RPA1: variants seen among roughly 807,000 people sequenced by gnomAD.
RPA1 encodes replication protein A1, also known as replication protein A 70 kDa DNA-binding subunit.
In RPA1, 49 loss-of-function variants were observed where a neutral mutation model predicts 83.0. The observed-to-expected ratio is 0.59, with a 90% CI of 0.47 to 0.75. The LOEUF is 0.75. RPA1 is among the 30% of genes least tolerant of loss of function. The pLI, the probability that RPA1 is intolerant of heterozygous loss-of-function variation, is 0.00. For missense variants in RPA1, 693 were observed against 776.1 expected, an observed-to-expected ratio of 0.89 and a Z score of 1.27; for synonymous variants, 279 against 281.8, an observed-to-expected ratio of 0.99 and a Z score of 0.10.
At chr17:1,882,782 TCAC>T (rs757545260) in intron 12 of RPA1, among the ~76,000 whole-genome samples, 5 of 152,182 alleles carry the variant, frequency 3.3e-5, no homozygotes, top group Non-Finnish European at 7.4e-5. Flanking sequence ...TCGGTGATGA[TCAC>T]CACGCAGCTG....
chr17:1,839,514 C>T (rs924740198), intron 1 of RPA1, among the ~76,000 whole-genome samples: 16 of 151,552 alleles, frequency 1.1e-4, no homozygotes, highest in African/African-American at 3.4e-4. Context: ...TTAGTAGAGA[C>T]GGGGTTTCAC....
chr17:1,840,462 A>G (rs1017545797), intron 1 of RPA1, among the ~76,000 whole-genome samples: 3 of 151,966 alleles, frequency 2.0e-5, no homozygotes, highest in Non-Finnish European at 2.9e-5. Context: ...AATTTTTTAT[A>G]TTTTTAGCAG....
intron 7 of RPA1, among the ~76,000 whole-genome samples, chr17:1,876,279 G>A (rs1043409275): frequency 6.6e-6 from 1 of 152,186 alleles, no homozygotes; most frequent in Non-Finnish European, 1.5e-5. Context: ...TTGAAGCCGG[G>A]CGCGGTGGCT....
At chr17:1,830,369 G>T (rs137953730) in intron 1 of RPA1, among the ~76,000 whole-genome samples, 1 of 152,278 alleles carries the variant, frequency 6.6e-6, no homozygotes, top group East Asian at 1.9e-4. Context: ...CTAAATAAAC[G>T]CTTGCCTTTC....
chr17:1,895,135 G>A lies in RPA1; in HGVS notation c.1746+40G>A, dbSNP rs532918532. 4 of 1,530,394 alleles carry A rather than the reference G, an allele frequency of 2.6e-6. No individual in the cohort carries two copies. The South Asian group carries it at 4.5e-5, about 17-fold the overall frequency. 94.8% of individuals were successfully genotyped at this position (1,530,394 alleles called of 1,614,324 possible). A position where few individuals can be genotyped will look rare whatever the true frequency, so the allele number is the denominator to read the frequency against. On this transcript the variant is annotated intron_variant, in intron 16 of 16. Coordinates refer to ENST00000254719, the MANE Select transcript of RPA1 (RefSeq NM_002945.5). ...GGGCAGCAGGGTTGGTGGTGGGGAG[G>A]TGCTGTTTGTCACCTACGGCAGTGT...
chr17:1,831,256 C>T (rs1044262846), intron 1 of RPA1, among the ~76,000 whole-genome samples: 4 of 152,156 alleles, frequency 2.6e-5, no homozygotes, highest in African/African-American at 9.7e-5. Context: ...CCTCTTGATC[C>T]CTATCTCCAC....
chr17:1,830,355 C>G (rs1056098065), intron 1 of RPA1, among the ~76,000 whole-genome samples: 1 of 152,212 alleles, frequency 6.6e-6, no homozygotes, highest in African/African-American at 2.4e-5. Flanking sequence ...TACGTAAGAA[C>G]AAACTAAATA....
chr17:1,835,238 T>G (rs774418994), intron 1 of RPA1, among the ~76,000 whole-genome samples: 1 of 152,032 alleles, frequency 6.6e-6, no homozygotes, highest in African/African-American at 2.4e-5. Context: ...AACCTCCAAC[T>G]CCTGGGCTCA....
chr17:1,869,878 G>A (rs909687310), intron 5 of RPA1, among the ~76,000 whole-genome samples: 2 of 152,128 alleles, frequency 1.3e-5, no homozygotes, highest in Admixed American at 6.5e-5. Context: ...CTCGTCTCTT[G>A]TGCCAGATTT....
Position 1,897,332 on chromosome 17 carries a change from C to G in RPA1, c.*157C>G, listed in dbSNP as rs149749645. ...CCCTCGTGCGCATCTCAGAACCCAT[C>G]GGTAGGCAAAGGAAAATACGCTCAG... is the stretch of plus-strand genomic sequence containing the variant. On this transcript the variant is annotated 3_prime_UTR_variant, in exon 17 of 17. Transcript: ENST00000254719. 8.3e-6 allele frequency: 5 copies of G among 604,624 alleles called. No individual in the cohort carries two copies. In the African/African-American group the frequency reaches 9.4e-5, roughly 11 times the overall value. The allele number at this position is 604,624 out of a possible 1,614,324, so 37.5% of individuals were successfully genotyped here.
intron 12 of RPA1, among the ~76,000 whole-genome samples, chr17:1,883,192 T>C (rs1913861018): frequency 6.6e-6 from 1 of 152,160 alleles, no homozygotes; most frequent in South Asian, 2.1e-4. Context: ...GTTTCGGTCT[T>C]GTTGCCCAGG....
At chr17:1,861,514 C>G (rs780143642) in intron 5 of RPA1, among the ~76,000 whole-genome samples, 1 of 152,128 alleles carries the variant, frequency 6.6e-6, no homozygotes, top group Non-Finnish European at 1.5e-5. Flanking sequence ...CGAGGTGTGT[C>G]CTTAAAAACA....
At position 1,879,676 on chromosome 17, in the gene RPA1, A is replaced by T. The variant is rs779409504; in HGVS notation, c.1069A>T (p.Thr357Ser). The T allele has an allele frequency of 5.3e-5, 85 of 1,614,104 alleles. 1 individual carries two copies. The East Asian group carries it at 6.5e-4, about 12-fold the overall frequency. The change falls in exon 11 of 17, where the codon ACT (threonine) becomes TCT (serine). Residue 357 changes from threonine to serine, a missense_variant. Thr to Ser is a moderately conservative substitution (Grantham distance 58). Transcript: ENST00000254719. Reference sequence around the variant, plus strand: ...GATGGACACATCCGGGAAGGTGGTGACTGCTACACTGTGGGGGGAAGATGT... The same window carrying T: ...GATGGACACATCCGGGAAGGTGGTGTCTGCTACACTGTGGGGGGAAGATGT... Reference protein sequence around the residue: ...YLMDTSGKVVTATLWGEDADK... With the variant: ...YLMDTSGKVVSATLWGEDADK...
intron 14 of RPA1, among the ~76,000 whole-genome samples, chr17:1,889,213 G>T (rs1437086838): frequency 6.6e-6 from 1 of 152,140 alleles, no homozygotes; most frequent in African/African-American, 2.4e-5. Flanking sequence ...CTTTAGTATA[G>T]CTGACTTCAG....
chr17:1,882,560 C>T (rs1479153050), intron 12 of RPA1, among the ~76,000 whole-genome samples: 3 of 152,074 alleles, frequency 2.0e-5, no homozygotes, highest in South Asian at 4.2e-4. Context: ...CCCAGCTACT[C>T]GGGAGGCTGA....
At chr17:1,881,690 T>C (rs534135682) in intron 12 of RPA1, among the ~76,000 whole-genome samples, 1 of 152,320 alleles carries the variant, frequency 6.6e-6, no homozygotes, top group South Asian at 2.1e-4. Context: ...AAAATTGCAT[T>C]CCCACATTAA....
chr17:1,873,928 G>T (rs1261835929), intron 6 of RPA1, among the ~76,000 whole-genome samples: 2 of 147,546 alleles, frequency 1.4e-5, no homozygotes, highest in Non-Finnish European at 3.0e-5. Flanking sequence ...AGGAGGCGTA[G>T]GTTGCAGTGA....
intron 13 of RPA1, among the ~76,000 whole-genome samples, chr17:1,887,273 G>A (rs983255230): frequency 1.8e-4 from 27 of 152,182 alleles, no homozygotes; most frequent in South Asian, 1.4e-3. Flanking sequence ...AAAGATCACT[G>A]TAGGCCAGGC....
chr17:1,853,161 G>C lies in RPA1; in HGVS notation c.333G>C (p.Lys111Asn), dbSNP rs368130064. ...VLKSAEAVGV[K>N]IGNPVPYNEG... ...AGTCAGCTGAAGCAGTTGGAGTGAAGATTGGCAATCCAGTGCCCTATAATG... is the reference window on the plus strand; with the variant it reads ...AGTCAGCTGAAGCAGTTGGAGTGAACATTGGCAATCCAGTGCCCTATAATG... Residue 111 changes from lysine to asparagine, a missense_variant, in exon 5 of 17, where the codon AAG (lysine) becomes AAC (asparagine). Transcript: ENST00000254719. 1 of 1,614,024 alleles carries C rather than the reference G, an allele frequency of 6.2e-7. No individual in the cohort carries two copies. The highest frequency in any genetic ancestry group is 8.5e-7 in the Non-Finnish European group (1 of 1,180,002).
Sources: gnomAD v4.1 joint callset for allele counts (sites outside exome capture counted in the v4.1 genomes callset) on GRCh38, gnomAD v4.1.1 for gene constraint, MANE v1.5 for transcripts, NCBI Gene and HGNC (gene_info 2026-07-23, HGNC 2026-07-21) for gene names.